Variants in DLGAP1 observed in about 807,000 individuals in gnomAD.
DLGAP1 encodes the protein DLG associated protein 1, also known as disks large-associated protein 1.
DLGAP1 carries 11 observed loss-of-function variants against 90.8 expected under a neutral mutation model. The ratio of observed to expected loss-of-function variants is 0.12; its 90% CI spans 0.08 to 0.20. DLGAP1 has a LOEUF of 0.20. Ranked by LOEUF, DLGAP1 falls within the 10% of genes least tolerant of loss-of-function variation. DLGAP1 has a pLI of 1.00. For missense variants in DLGAP1, 1,050 were observed against 1,333.8 expected (o/e 0.79, Z 3.31); for synonymous variants, 558 against 540.7 (o/e 1.03, Z -0.44).
intron 4 of DLGAP1, among the ~76,000 whole-genome samples, chr18:3,848,798 CT>C (rs1179307079): frequency 2.0e-5 from 3 of 152,180 alleles, no homozygotes; most frequent in African/African-American, 4.8e-5. Context: ...TTTCTTGCAC[CT>C]GGATATTACA....
intron 2 of DLGAP1, among the ~76,000 whole-genome samples, chr18:4,056,133 T>A (rs866758242): frequency 6.6e-6 from 1 of 152,096 alleles, no homozygotes; most frequent in Non-Finnish European, 1.5e-5. Context: ...AGAGGCAGGT[T>A]ATCTATGGGG....
rs1490281476 is a variant in DLGAP1, at chr18:3,600,911, G to GATATATATAGATAT, written c.1592-18664_1592-18663insATATCTATATATAT. Among the ~76,000 whole-genome samples the GATATATATAGATAT allele has an allele frequency of 3.5e-3, 264 of 74,482 alleles. 6 individuals carry two copies. Among genetic ancestry groups the GATATATATAGATAT allele is most frequent in the Middle Eastern group, 0.011 (2 of 190 alleles). The allele number at this position is 74,482 out of a possible 152,430, so 48.9% of individuals were successfully genotyped here. A position where few individuals can be genotyped will look rare whatever the true frequency, so the allele number is the denominator to read the frequency against. ...ATATATAGATATATATAGATATATA[G>GATATATATAGATAT]ATAGATATAGATATATATAGATATA... On this transcript the variant is annotated intron_variant, in intron 7 of 12. Coordinates refer to ENST00000315677, the MANE Select transcript of DLGAP1 (RefSeq NM_004746.4).
At chr18:3,553,329 G>A (rs56069459) in intron 9 of DLGAP1, among the ~76,000 whole-genome samples, 5,260 of 152,080 alleles carry the variant, frequency 0.035, 102 homozygotes, top group Middle Eastern at 0.078. Flanking sequence ...AAAAAGTGTG[G>A]GTAAAAATAT....
chr18:4,234,912 C>A (rs1003416796), intron 1 of DLGAP1, among the ~76,000 whole-genome samples: 4 of 152,170 alleles, frequency 2.6e-5, no homozygotes, highest in Admixed American at 2.6e-4. Context: ...AGGATGTGCA[C>A]GTGAACCCTG....
At chr18:4,137,163 T>C (rs778215940) in intron 2 of DLGAP1, among the ~76,000 whole-genome samples, 5 of 152,156 alleles carry the variant, frequency 3.3e-5, no homozygotes, top group Non-Finnish European at 7.3e-5. Flanking sequence ...TGGTTTTTCG[T>C]CCTTGCGATA....
At chr18:4,026,435 AG>A (rs1041097738) in intron 2 of DLGAP1, among the ~76,000 whole-genome samples, 2 of 152,230 alleles carry the variant, frequency 1.3e-5, no homozygotes, top group African/African-American at 4.8e-5. Flanking sequence ...TGCACTTTTC[AG>A]GGTGGAATAC....
At chr18:4,041,553 C>T (rs532203802) in intron 2 of DLGAP1, among the ~76,000 whole-genome samples, 10 of 152,266 alleles carry the variant, frequency 6.6e-5, no homozygotes, top group South Asian at 2.1e-4. Flanking sequence ...CTGATACTCC[C>T]GAAAGAAACA....
rs955163246 is a variant in DLGAP1 at position 4,378,665 on chromosome 18, T to C, written c.-267+76341A>G. On this transcript the variant is annotated intron_variant, in intron 1 of 12. Transcript: ENST00000315677. The surrounding 1 kb of genome is among the most constrained non-coding windows in gnomAD (Gnocchi z 4.5). ...CACCTAAGGTGCTCCGTACCTAATA[T>C]GTACTCCATCAGGGTAGGTATCTTG... Among the ~76,000 whole-genome samples the C allele has an allele frequency of 6.6e-6, 1 of 152,198 alleles. No homozygotes were observed. The highest frequency in any genetic ancestry group is 2.4e-5 in the African/African-American group (1 of 41,450).
intron 1 of DLGAP1, among the ~76,000 whole-genome samples, chr18:4,329,436 G>T (rs1290135894): frequency 6.6e-6 from 1 of 151,742 alleles, no homozygotes; most frequent in East Asian, 1.9e-4. Flanking sequence ...AAGTTCTCCA[G>T]CTTTGTTTTC....
At chr18:3,669,090 A>G (rs1201551719) in intron 7 of DLGAP1, among the ~76,000 whole-genome samples, 5 of 129,172 alleles carry the variant, frequency 3.9e-5, no homozygotes, top group Admixed American at 8.1e-5. Flanking sequence ...AATACAAGTG[A>G]TAAGTGTTTG....
At chr18:3,825,507 A>G (rs997054564) in intron 4 of DLGAP1, among the ~76,000 whole-genome samples, 1 of 152,146 alleles carries the variant, frequency 6.6e-6, no homozygotes, top group African/African-American at 2.4e-5. Context: ...ACATCACTTC[A>G]TTTGTGTGGA....
At chr18:3,961,478 G>C (rs1400321873) in intron 3 of DLGAP1, among the ~76,000 whole-genome samples, 1 of 152,102 alleles carries the variant, frequency 6.6e-6, no homozygotes, top group Non-Finnish European at 1.5e-5. Flanking sequence ...CTTAGGACGG[G>C]AATACAAATG....
intron 9 of DLGAP1, among the ~76,000 whole-genome samples, chr18:3,548,824 C>T (rs1178648782): frequency 6.6e-6 from 1 of 152,092 alleles, no homozygotes; most frequent in African/African-American, 2.4e-5. Context: ...ATTGCTTGAG[C>T]CCAGAGGTTT....
intron 1 of DLGAP1, among the ~76,000 whole-genome samples, chr18:4,300,830 T>A (rs1042223538): frequency 6.6e-6 from 1 of 152,198 alleles, no homozygotes; most frequent in Non-Finnish European, 1.5e-5. Context: ...CTTTCTGCCA[T>A]TCTCTTTTAA....
chr18:4,183,235 G>A (rs1395835936), intron 1 of DLGAP1, among the ~76,000 whole-genome samples: 1 of 152,090 alleles, frequency 6.6e-6, no homozygotes, highest in Non-Finnish European at 1.5e-5. Context: ...ATGACTACCA[G>A]GCAAACCATT....
chr18:4,357,760 G>A (rs770794982), intron 1 of DLGAP1, among the ~76,000 whole-genome samples: 2 of 152,162 alleles, frequency 1.3e-5, no homozygotes, highest in South Asian at 4.1e-4. Flanking sequence ...CCAGTGCTTC[G>A]CAGCGCCTCT....
chr18:4,096,556 G>T (rs981399676), intron 2 of DLGAP1, among the ~76,000 whole-genome samples: 40 of 150,216 alleles, frequency 2.7e-4, no homozygotes, highest in African/African-American at 9.8e-4. Flanking sequence ...CTTTTCATAG[G>T]TTTCATTTAT....
chr18:3,793,702 C>T (rs1399622038), intron 5 of DLGAP1, among the ~76,000 whole-genome samples: 1 of 152,158 alleles, frequency 6.6e-6, no homozygotes, highest in Non-Finnish European at 1.5e-5. Context: ...TGCTCTCCTG[C>T]ATGGCCTCCT....
intron 2 of DLGAP1, among the ~76,000 whole-genome samples, chr18:4,017,755 C>T (rs1345959329): frequency 6.6e-6 from 1 of 152,132 alleles, no homozygotes; most frequent in African/African-American, 2.4e-5. Flanking sequence ...ATAATACAAA[C>T]AAAGACTCTC....
Sources: allele counts gnomAD v4.1 joint callset (sites outside exome capture counted in the v4.1 genomes callset), GRCh38; gene constraint gnomAD v4.1.1; non-coding constraint Gnocchi (gnomAD v3.1); transcripts MANE v1.5; gene names NCBI Gene and HGNC (gene_info 2026-07-23, HGNC 2026-07-21).